ETV5: variants seen among roughly 807,000 people sequenced by gnomAD.
ETV5 encodes ETS translocation variant 5.
In ETV5, 10 loss-of-function variants were observed where a neutral mutation model predicts 70.0. The ratio of observed to expected loss-of-function variants is 0.14; its 90% CI spans 0.09 to 0.24. The LOEUF (loss-of-function observed/expected upper bound fraction) is 0.24, where lower values mean the gene tolerates loss of function less well. ETV5 is among the 10% of genes least tolerant of loss of function. The pLI is 1.00. For missense variants in ETV5, 453 were observed against 651.2 expected (o/e 0.70, Z 3.31); for synonymous variants, 216 against 242.2 (o/e 0.89, Z 1.01).
intron 9 of ETV5, among the ~76,000 whole-genome samples, chr3:186,060,535 A>G (rs1482659771): frequency 6.6e-6 from 1 of 152,266 alleles, no homozygotes; most frequent in Non-Finnish European, 1.5e-5. Flanking sequence ...CAAGGACTCC[A>G]GGTGAACACT....
chr3:186,067,022 T>G, intron 7 of ETV5, among the ~76,000 whole-genome samples: 1 of 152,226 alleles, frequency 6.6e-6, no homozygotes, highest in East Asian at 1.9e-4. Context: ...AGGCCAGGCA[T>G]TGTGGCTCAT....
chr3:186,080,885 G>C (rs1713917062), intron 6 of ETV5, 161 bp downstream of exon 6: 1 of 772,642 alleles, frequency 1.3e-6, no homozygotes, highest in Non-Finnish European at 2.0e-6. Context: ...ATGATCCCAA[G>C]GGGACTGGAC....
At chr3:186,071,505 C>T (rs1203763653) in intron 7 of ETV5, among the ~76,000 whole-genome samples, 1 of 152,078 alleles carries the variant, frequency 6.6e-6, no homozygotes, top group African/African-American at 2.4e-5. Flanking sequence ...AGTTTCCTCT[C>T]CAAAAAAATA....
intron 5 of ETV5, among the ~76,000 whole-genome samples, chr3:186,098,388 A>G (rs555626240): frequency 6.6e-6 from 1 of 152,254 alleles, no homozygotes; most frequent in South Asian, 2.1e-4. Context: ...GCTGGTAGCT[A>G]CATCGGGAGC....
chr3:186,076,489 C>T (rs1008637275), intron 7 of ETV5: 7 of 183,314 alleles, frequency 3.8e-5, no homozygotes, highest in Admixed American at 2.5e-4. Context: ...CCTGATAGAT[C>T]GGCATAGTGT....
Position 186,048,144 on chromosome 3 carries a change from A to G in ETV5, c.*495T>C, listed in dbSNP as rs1191097947. The G allele has an allele frequency of 4.2e-6, 1 of 235,708 alleles. No individual in the cohort carries two copies. Among genetic ancestry groups the G allele is most frequent in the Admixed American group, 5.5e-5 (1 of 18,282 alleles). The allele number at this position is 235,708 out of a possible 1,614,324, so 14.6% of individuals were successfully genotyped here. ...CAGATTCAGCTAGAAGAGCTTTCCA[A>G]TGTTTAAGATGTATTTTTAACCCTT... On this transcript the variant is annotated 3_prime_UTR_variant, in exon 13 of 13. Coordinates refer to ENST00000306376, the MANE Select transcript of ETV5 (RefSeq NM_004454.3).
At chr3:186,099,567 C>T (rs1714400512) in intron 5 of ETV5, among the ~76,000 whole-genome samples, 1 of 152,190 alleles carries the variant, frequency 6.6e-6, no homozygotes, top group Non-Finnish European at 1.5e-5. Context: ...CACTAAAACC[C>T]AAGAAATGTG....
chr3:186,082,530 C>G (rs1713956949), intron 5 of ETV5, among the ~76,000 whole-genome samples: 1 of 151,506 alleles, frequency 6.6e-6, no homozygotes. Context: ...AAACGATTCT[C>G]CTGCCTCAGC....
intron 7 of ETV5, among the ~76,000 whole-genome samples, chr3:186,067,086 G>A (rs1476628859): frequency 6.6e-6 from 1 of 152,126 alleles, no homozygotes; most frequent in Non-Finnish European, 1.5e-5. Flanking sequence ...CTTGAGGTCA[G>A]GAGTTCAAGA....
At chr3:186,058,808 G>A (rs1490348176) in intron 9 of ETV5, among the ~76,000 whole-genome samples, 2 of 152,100 alleles carry the variant, frequency 1.3e-5, no homozygotes, top group Non-Finnish European at 2.9e-5. Context: ...GAGGTCAGGA[G>A]TTCGAGACCA....
chr3:186,067,312 G>A (rs1285698661), intron 7 of ETV5, among the ~76,000 whole-genome samples: 1 of 152,178 alleles, frequency 6.6e-6, no homozygotes, highest in Non-Finnish European at 1.5e-5. Context: ...CGCGCCTGTA[G>A]TCCCAGCTAC....
chr3:186,091,352 T>C (rs1055257732), intron 5 of ETV5, among the ~76,000 whole-genome samples: 9 of 152,172 alleles, frequency 5.9e-5, no homozygotes, highest in African/African-American at 1.9e-4. Context: ...TTTTTGCTAT[T>C]TGTCATATGT....
chr3:186,107,072 G>T, intron 1 of ETV5: 1 of 385,498 alleles, frequency 2.6e-6, no homozygotes, highest in Non-Finnish European at 3.5e-6. Context: ...ACTGTGTGTA[G>T]CATATCAAAT....
intron 1 of ETV5, among the ~76,000 whole-genome samples, chr3:186,108,031 G>T (rs1034629951): frequency 1.3e-5 from 2 of 149,476 alleles, no homozygotes; most frequent in Non-Finnish European, 3.0e-5. Context: ...AGGGAGCAGC[G>T]AGCCAACGAA....
intron 7 of ETV5, among the ~76,000 whole-genome samples, chr3:186,069,924 A>G (rs1713560089): frequency 6.6e-6 from 1 of 152,020 alleles, no homozygotes; most frequent in Non-Finnish European, 1.5e-5. Context: ...CTCCTGTTTC[A>G]GCCTCTCAAG....
At chr3:186,077,914 C>T (rs761765484) in intron 7 of ETV5, 62 of 813,396 alleles carry the variant, frequency 7.6e-5, no homozygotes, top group Non-Finnish European at 9.4e-5. Context: ...CCATCAGTCT[C>T]AAAGGCAGAG....
chr3:186,058,514 G>A (rs1713221921), intron 9 of ETV5, among the ~76,000 whole-genome samples: 1 of 152,168 alleles, frequency 6.6e-6, no homozygotes, highest in Non-Finnish European at 1.5e-5. Context: ...GTTGGATAAT[G>A]CAGTGGGGGC....
intron 12 of ETV5, among the ~76,000 whole-genome samples, chr3:186,051,495 C>A (rs1403160244): frequency 1.3e-5 from 2 of 152,240 alleles, no homozygotes; most frequent in Non-Finnish European, 2.9e-5. Flanking sequence ...AAAGAGCAAC[C>A]TGCTACCAGG....
In ETV5 at chr3:186,046,367, G is replaced by A. The variant is rs1270790345; in HGVS notation, c.*2272C>T. The A allele has an allele frequency of 1.3e-5, 3 of 223,426 alleles. No individual in the cohort carries two copies. The highest frequency in any genetic ancestry group is 2.7e-5 in the Non-Finnish European group (3 of 111,808). 13.8% of individuals were successfully genotyped at this position (223,426 alleles called of 1,614,324 possible). A position where few individuals can be genotyped will look rare whatever the true frequency, so the allele number is the denominator to read the frequency against. ...TATTGTACACAGTACAGAATATAAC[G>A]CAGCTTGGCAGGATGCATACGGCCC... On this transcript the variant is annotated 3_prime_UTR_variant, in exon 13 of 13. Transcript: ENST00000306376.
Sources: allele counts gnomAD v4.1 joint callset (sites outside exome capture counted in the v4.1 genomes callset), GRCh38; gene constraint gnomAD v4.1.1; transcripts MANE v1.5; gene names NCBI Gene and HGNC (gene_info 2026-07-23, HGNC 2026-07-21).